THRB: variants seen among roughly 807,000 people sequenced by gnomAD.
THRB encodes nuclear receptor subfamily 1 group A member 2.
In THRB, 12 loss-of-function variants were observed where a neutral mutation model predicts 47.8. That is an observed-to-expected ratio of 0.25 (90% CI 0.16 to 0.41). The LOEUF is 0.41. Among genes scored for constraint, THRB ranks in the 10% least tolerant of loss-of-function variants. The probability of loss-of-function intolerance (pLI) is 1.00; values close to 1 mark genes in which losing one functional copy is unlikely to be tolerated. For missense variants in THRB, 348 were observed against 589.2 expected (o/e 0.59, Z 4.24); for synonymous variants, 218 against 212.2 (o/e 1.03, Z -0.24).
At chr3:24,408,496 C>G (rs1266984927) in intron 1 of THRB, among the ~76,000 whole-genome samples, 2 of 151,818 alleles carry the variant, frequency 1.3e-5, no homozygotes, top group Non-Finnish European at 2.9e-5. Context: ...CACTTGGATC[C>G]ATACTTGAGT....
intron 3 of THRB, among the ~76,000 whole-genome samples, chr3:24,232,684 T>C (rs916875896): frequency 3.9e-5 from 6 of 152,098 alleles, no homozygotes; most frequent in Admixed American, 1.3e-4. Flanking sequence ...TTTTTAAAGC[T>C]TTACAGCAGC....
Position 24,372,371 on chromosome 3 carries a change from C to G in THRB, c.-260-35000G>C, listed in dbSNP as rs137945058. Among the ~76,000 whole-genome samples, 12 of 152,124 alleles carry G rather than the reference C, an allele frequency of 7.9e-5. No homozygotes were observed. In the East Asian group the frequency reaches 2.3e-3, roughly 29 times the overall value. On this transcript the variant is annotated intron_variant, in intron 1 of 10. Transcript: ENST00000646209. ...CCCCTACCCCAGTGTTCTTTATATG[C>G]CATGAAATTAAGTATTTATGATGTT...
chr3:24,392,210 T>G (rs1208061539), intron 1 of THRB, among the ~76,000 whole-genome samples: 1 of 152,168 alleles, frequency 6.6e-6, no homozygotes, highest in African/African-American at 2.4e-5. Context: ...TTTGGCTATT[T>G]TTTTCCCAGA....
At chr3:24,205,477 C>T (rs1268338453) in intron 4 of THRB, among the ~76,000 whole-genome samples, 6 of 152,126 alleles carry the variant, frequency 3.9e-5, no homozygotes, top group Admixed American at 3.9e-4. Context: ...ACCAGGCCTG[C>T]CCTACAAGAG....
chr3:24,291,818 T>C (rs1375480379), intron 3 of THRB, among the ~76,000 whole-genome samples: 1 of 152,222 alleles, frequency 6.6e-6, no homozygotes, highest in East Asian at 1.9e-4. Context: ...TTTGGCAATA[T>C]CTGACAAAAT....
chr3:24,194,727 T>G (rs574816498), intron 4 of THRB, among the ~76,000 whole-genome samples: 16 of 152,294 alleles, frequency 1.1e-4, no homozygotes, highest in Admixed American at 9.1e-4. Flanking sequence ...ACATCCTATC[T>G]CTGGATATTT....
intron 5 of THRB, among the ~76,000 whole-genome samples, chr3:24,152,949 C>T (rs1245751615): frequency 9.5e-5 from 12 of 126,394 alleles, no homozygotes; most frequent in Admixed American, 6.6e-4. Flanking sequence ...GCGACAAGAG[C>T]GAAATTCTGC....
chr3:24,145,226 T>G (rs755749145), intron 7 of THRB, among the ~76,000 whole-genome samples: 3 of 152,036 alleles, frequency 2.0e-5, no homozygotes, highest in African/African-American at 4.8e-5. Flanking sequence ...AGGTAGGCAA[T>G]GATTTCACAG....
chr3:24,161,617 A>AACACACACACACACACACAC (rs58600238), intron 5 of THRB, among the ~76,000 whole-genome samples: 83 of 141,188 alleles, frequency 5.9e-4, no homozygotes, highest in East Asian at 1.7e-3. Flanking sequence ...AGAGCTACAG[A>AACACACACACACACACACAC]ACACACACAC....
chr3:24,440,176 C>T (rs1020909809), intron 1 of THRB, among the ~76,000 whole-genome samples: 1 of 152,174 alleles, frequency 6.6e-6, no homozygotes, highest in African/African-American at 2.4e-5. Flanking sequence ...GGCTTTCATA[C>T]TTGTTCAATT....
chr3:24,214,924 A>G (rs2046410632), intron 4 of THRB, among the ~76,000 whole-genome samples: 1 of 152,248 alleles, frequency 6.6e-6, no homozygotes, highest in Admixed American at 6.5e-5. Flanking sequence ...CAAATTAAAC[A>G]TCCTTCATAG....
intron 6 of THRB, among the ~76,000 whole-genome samples, chr3:24,149,802 C>T (rs893974962): frequency 6.6e-6 from 1 of 152,110 alleles, no homozygotes; most frequent in African/African-American, 2.4e-5. Context: ...GACTTGAAGA[C>T]ATTTAAAACA....
At chr3:24,237,564 C>T (rs1333144388) in intron 3 of THRB, among the ~76,000 whole-genome samples, 2 of 152,086 alleles carry the variant, frequency 1.3e-5, no homozygotes, top group Non-Finnish European at 2.9e-5. Context: ...TCTCCTTTTC[C>T]ACCTCTCTCC....
At chr3:24,450,140 T>C (rs936569651) in intron 1 of THRB, among the ~76,000 whole-genome samples, 2 of 152,168 alleles carry the variant, frequency 1.3e-5, no homozygotes, top group Admixed American at 6.5e-5. Context: ...TTTATACAAT[T>C]AAAAATCTCG....
At chr3:24,441,953 C>T (rs966208786) in intron 1 of THRB, among the ~76,000 whole-genome samples, 2 of 152,096 alleles carry the variant, frequency 1.3e-5, no homozygotes, top group African/African-American at 2.4e-5. Flanking sequence ...TGAGGATCCA[C>T]CCAGGTAGGA....
intron 1 of THRB, among the ~76,000 whole-genome samples, chr3:24,478,932 A>G (rs1247354152): frequency 6.6e-6 from 1 of 152,198 alleles, no homozygotes; most frequent in East Asian, 1.9e-4. Context: ...TTTGATTGTC[A>G]TAACTGTGGC....
At chr3:24,203,581 G>A (rs7613257) in intron 4 of THRB, among the ~76,000 whole-genome samples, 3,221 of 152,244 alleles carry the variant, frequency 0.021, 125 homozygotes, top group African/African-American at 0.073. Flanking sequence ...CAGCATGAGC[G>A]ACGCAGAAGA....
At chr3:24,277,917 C>T (rs1448258366) in intron 3 of THRB, among the ~76,000 whole-genome samples, 1 of 152,168 alleles carries the variant, frequency 6.6e-6, no homozygotes, top group Non-Finnish European at 1.5e-5. Flanking sequence ...TAAGGGGTGA[C>T]AACATTAATA....
At chr3:24,172,194 T>C (rs1446427048) in intron 5 of THRB, among the ~76,000 whole-genome samples, 2 of 152,148 alleles carry the variant, frequency 1.3e-5, no homozygotes, top group African/African-American at 4.8e-5. Context: ...GTTGGATATA[T>C]ATGCTGGAGC....
Sources: gnomAD v4.1 joint callset for allele counts (sites outside exome capture counted in the v4.1 genomes callset) on GRCh38, gnomAD v4.1.1 for gene constraint, MANE v1.5 for transcripts, NCBI Gene and HGNC (gene_info 2026-07-23, HGNC 2026-07-21) for gene names.